The following HAO1 variants were observed in gnomAD, a reference collection of about 807,000 sequenced individuals.
The protein encoded by HAO1 is hydroxyacid oxidase 1, also known as 2-Hydroxyacid oxidase 1.
In HAO1, 34 loss-of-function variants were observed where a neutral mutation model predicts 39.7. That is an observed-to-expected ratio of 0.86 (90% confidence interval 0.65 to 1.14). HAO1 has a LOEUF of 1.14. Among genes scored for constraint, HAO1 ranks in the 50% most tolerant of loss-of-function variants. The pLI is 0.00. For missense variants in HAO1, 479 were observed against 464.5 expected (o/e 1.03, Z -0.29); for synonymous variants, 172 against 173.2 (o/e 0.99, Z 0.05).
chr20:7,937,737 T>G (rs2050419710), intron 1 of HAO1, among the ~76,000 whole-genome samples: 1 of 152,216 alleles, frequency 6.6e-6, no homozygotes, highest in African/African-American at 2.4e-5. Flanking sequence ...AAATTACTGT[T>G]CTTCGTTGAA....
intron 5 of HAO1, among the ~76,000 whole-genome samples, chr20:7,892,721 G>A (rs1047413419): frequency 1.3e-5 from 2 of 152,106 alleles, no homozygotes; most frequent in African/African-American, 4.8e-5. Context: ...AGAGGTGGTG[G>A]TCTGGAAAGT....
intron 4 of HAO1, among the ~76,000 whole-genome samples, chr20:7,901,272 A>G (rs975930694): frequency 2.2e-4 from 34 of 152,314 alleles, no homozygotes; most frequent in African/African-American, 7.2e-4. Flanking sequence ...ACTGAACAAC[A>G]TATTTTCAAT....
At chr20:7,918,837 G>A (rs1371530040) in intron 2 of HAO1, among the ~76,000 whole-genome samples, 3 of 152,118 alleles carry the variant, frequency 2.0e-5, no homozygotes, top group Admixed American at 6.5e-5. Flanking sequence ...TCTGACTATC[G>A]TTATCCTAGC....
intron 4 of HAO1, among the ~76,000 whole-genome samples, chr20:7,901,357 C>T (rs1291121668): frequency 6.6e-6 from 1 of 152,142 alleles, no homozygotes; most frequent in Non-Finnish European, 1.5e-5. Flanking sequence ...CCATCTAGGA[C>T]TTTCATAGCT....
intron 2 of HAO1, among the ~76,000 whole-genome samples, chr20:7,924,173 T>C (rs1180911428): frequency 6.6e-6 from 1 of 151,108 alleles, no homozygotes; most frequent in Non-Finnish European, 1.5e-5. Context: ...CCCATGATTT[T>C]GGTTTGGTTT....
intron 1 of HAO1, among the ~76,000 whole-genome samples, chr20:7,936,875 A>G (rs559909621): frequency 2.0e-5 from 3 of 152,252 alleles, no homozygotes; most frequent in African/African-American, 4.8e-5. Context: ...ACTATGTCAG[A>G]TAGCTCACTA....
chr20:7,894,358 T>C (rs2050187374), intron 5 of HAO1, among the ~76,000 whole-genome samples: 1 of 152,176 alleles, frequency 6.6e-6, no homozygotes, highest in African/African-American at 2.4e-5. Flanking sequence ...TAGTTCACTT[T>C]TACATCTAGA....
chr20:7,885,448 A>G (rs770638283), intron 7 of HAO1, 73 bp downstream of exon 7: 1 of 945,520 alleles, frequency 1.1e-6, no homozygotes, highest in Non-Finnish European at 1.7e-6. Context: ...TTTCAAATTC[A>G]CTTCTCTCCA....
chr20:7,909,360 CA>C (rs1273993359), intron 3 of HAO1, among the ~76,000 whole-genome samples: 1 of 109,090 alleles, frequency 9.2e-6, no homozygotes, highest in African/African-American at 4.5e-5. Flanking sequence ...CGGATTATGA[CA>C]TATATATATA....
chr20:7,936,548 T>TGTGTGTGTGTGTGTGTGTGTGTG (rs1555775557), intron 1 of HAO1, among the ~76,000 whole-genome samples: 87 of 50,730 alleles, frequency 1.7e-3, no homozygotes, highest in East Asian at 4.2e-3. Context: ...GTGTGTGTGT[T>TGTGTGTGTGTGTGTGTGTGTGTG]CGCGCGCGCG....
chr20:7,923,944 T>C (rs1406511570), intron 2 of HAO1, among the ~76,000 whole-genome samples: 2 of 152,150 alleles, frequency 1.3e-5, no homozygotes, highest in Non-Finnish European at 2.9e-5. Context: ...GAGGGAAATA[T>C]GGAGCAATGG....
At chr20:7,908,308 C>T (rs1033615596) in intron 3 of HAO1, among the ~76,000 whole-genome samples, 1 of 150,924 alleles carries the variant, frequency 6.6e-6, no homozygotes, top group African/African-American at 2.5e-5. Flanking sequence ...ACGAGAATCG[C>T]TTGAACCCGG....
chr20:7,886,401 T>C (rs1157056052), intron 5 of HAO1, among the ~76,000 whole-genome samples: 1 of 152,118 alleles, frequency 6.6e-6, no homozygotes, highest in Non-Finnish European at 1.5e-5. Context: ...CTCGAACTCC[T>C]GACCTCAAGT....
intron 4 of HAO1, among the ~76,000 whole-genome samples, chr20:7,901,553 A>G (rs1364867449): frequency 6.6e-6 from 1 of 152,244 alleles, no homozygotes. Flanking sequence ...TTTCTTTCAA[A>G]ATATCACTGC....
intron 2 of HAO1, among the ~76,000 whole-genome samples, chr20:7,919,654 C>T (rs1190358419): frequency 1.3e-5 from 2 of 152,164 alleles, no homozygotes; most frequent in African/African-American, 2.4e-5. Context: ...CTGCCTACTT[C>T]ATAGCATTGC....
chr20:7,916,575 G>A (rs959669309), intron 2 of HAO1, among the ~76,000 whole-genome samples: 6 of 152,200 alleles, frequency 3.9e-5, no homozygotes, highest in African/African-American at 1.4e-4. Flanking sequence ...CTGAGATGTG[G>A]CCCAAGAGTT....
chr20:7,896,599 T>C (rs1381515288), intron 4 of HAO1, among the ~76,000 whole-genome samples: 1 of 152,196 alleles, frequency 6.6e-6, no homozygotes, highest in Non-Finnish European at 1.5e-5. Flanking sequence ...CTATATGCTA[T>C]AGACTAAATA....
intron 3 of HAO1, among the ~76,000 whole-genome samples, chr20:7,913,661 A>G (rs927531035): frequency 2.6e-5 from 4 of 152,252 alleles, no homozygotes; most frequent in Non-Finnish European, 4.4e-5. Context: ...GAGTGAATGA[A>G]TCAATGAATC....
intron 4 of HAO1, among the ~76,000 whole-genome samples, chr20:7,904,746 G>A (rs573472784): frequency 1.3e-5 from 2 of 152,222 alleles, no homozygotes; most frequent in Non-Finnish European, 2.9e-5. Flanking sequence ...TTAGCACACA[G>A]TAGTTATGAT....
Sources: gnomAD v4.1 joint callset for allele counts (sites outside exome capture counted in the v4.1 genomes callset) on GRCh38, gnomAD v4.1.1 for gene constraint, MANE v1.5 for transcripts, NCBI Gene and HGNC (gene_info 2026-07-23, HGNC 2026-07-21) for gene names.